The following FHIP1A variants were observed in gnomAD, a reference collection of about 807,000 sequenced individuals.
FHIP1A encodes FHF complex subunit HOOK interacting protein 1A.
FHIP1A carries 61 observed loss-of-function variants against 88.6 expected under a neutral mutation model. That is an observed-to-expected ratio of 0.69 (90% CI 0.56 to 0.85). FHIP1A has a LOEUF of 0.85. FHIP1A is among the 40% of genes least tolerant of loss of function. The pLI is 0.00. For missense variants in FHIP1A, 1,154 were observed against 1,273.5 expected, an observed-to-expected ratio of 0.91 and a Z score of 1.43; for synonymous variants, 478 against 496.0, an observed-to-expected ratio of 0.96 and a Z score of 0.48.
intron 9 of FHIP1A, among the ~76,000 whole-genome samples, chr4:151,645,183 C>G (rs1736743898): frequency 6.6e-6 from 1 of 152,172 alleles, no homozygotes; most frequent in Non-Finnish European, 1.5e-5. Context: ...TTCTTACTGA[C>G]AGCAGGTTCA....
In FHIP1A at chr4:151,522,448, A is replaced by T. The variant is rs561336216; in HGVS notation, c.-123+39800A>T. On this transcript the variant is annotated intron_variant, in intron 3 of 13. Coordinates refer to ENST00000435205, the MANE Select transcript of FHIP1A (RefSeq NM_001109977.3). ...TCTCCTTTCTCACAGAACCAAATGG[A>T]CATCCTCAGTTGTTCTCTGTTCAGG... 1.2e-4 allele frequency among the ~76,000 whole-genome samples: 18 copies of T among 152,348 alleles called. 1 individual carries two copies. In the South Asian group the frequency reaches 2.9e-3, roughly 25 times the overall value.
At chr4:151,473,180 A>G (rs1304536303) in intron 2 of FHIP1A, among the ~76,000 whole-genome samples, 1 of 152,144 alleles carries the variant, frequency 6.6e-6, no homozygotes, top group Admixed American at 6.6e-5. Context: ...GCTTAGCTGG[A>G]TAATGTTCAT....
chr4:151,459,073 T>A (rs1039910842), intron 2 of FHIP1A, among the ~76,000 whole-genome samples: 2 of 152,130 alleles, frequency 1.3e-5, no homozygotes. Flanking sequence ...GCCAATCTGT[T>A]CGTATGACCA....
At chr4:151,561,749 A>T (rs1733181294) in intron 3 of FHIP1A, among the ~76,000 whole-genome samples, 1 of 152,164 alleles carries the variant, frequency 6.6e-6, no homozygotes, top group Admixed American at 6.5e-5. Flanking sequence ...TTGCTCAGGA[A>T]ATAAACAAAA....
chr4:151,554,998 T>C (rs1385648968), intron 3 of FHIP1A, among the ~76,000 whole-genome samples: 4 of 152,186 alleles, frequency 2.6e-5, no homozygotes, highest in Non-Finnish European at 5.9e-5. Flanking sequence ...CTGGAATTAA[T>C]TATTTTTTAA....
chr4:151,413,595 T>C (rs1157189227), intron 1 of FHIP1A, among the ~76,000 whole-genome samples: 2 of 151,826 alleles, frequency 1.3e-5, no homozygotes, highest in African/African-American at 4.8e-5. Flanking sequence ...GCTGGGACTA[T>C]AGGCATGCAC....
intron 3 of FHIP1A, among the ~76,000 whole-genome samples, chr4:151,513,894 C>T (rs977264310): frequency 2.7e-5 from 4 of 150,558 alleles, no homozygotes; most frequent in Non-Finnish European, 4.4e-5. Context: ...GACAGATCAA[C>T]GAGACAGAAA....
intron 7 of FHIP1A, among the ~76,000 whole-genome samples, chr4:151,610,614 C>T (rs1157685185): frequency 6.6e-6 from 1 of 152,144 alleles, no homozygotes; most frequent in African/African-American, 2.4e-5. Context: ...TTTGCTATAC[C>T]CTGAGTGTGA....
chr4:151,512,112 G>A (rs1057492929), intron 3 of FHIP1A, among the ~76,000 whole-genome samples: 6 of 152,260 alleles, frequency 3.9e-5, no homozygotes, highest in African/African-American at 9.6e-5. Context: ...CGATCAGACA[G>A]CAGCATTCGT....
At chr4:151,430,286 A>G (rs148139734) in intron 1 of FHIP1A, among the ~76,000 whole-genome samples, 1 of 152,314 alleles carries the variant, frequency 6.6e-6, no homozygotes, top group African/African-American at 2.4e-5. Context: ...ACTAGAAAGG[A>G]ATGTAACAGG....
At chr4:151,526,007 G>A (rs1731618409) in intron 3 of FHIP1A, among the ~76,000 whole-genome samples, 1 of 151,988 alleles carries the variant, frequency 6.6e-6, no homozygotes. Context: ...AGCACATCTT[G>A]CACCGCCCTT....
chr4:151,586,302 T>G (rs1364108385), intron 5 of FHIP1A, among the ~76,000 whole-genome samples: 1 of 152,190 alleles, frequency 6.6e-6, no homozygotes, highest in East Asian at 1.9e-4. Context: ...CCTGAACTTC[T>G]TGAGGCCAGA....
At chr4:151,523,848 T>A (rs1013624003) in intron 3 of FHIP1A, among the ~76,000 whole-genome samples, 29 of 152,318 alleles carry the variant, frequency 1.9e-4, no homozygotes, top group Admixed American at 3.3e-4. Context: ...CAAAAGTAAA[T>A]GAAAGCTTAA....
At chr4:151,456,332 A>T (rs1443021771) in intron 2 of FHIP1A, among the ~76,000 whole-genome samples, 11 of 152,202 alleles carry the variant, frequency 7.2e-5, no homozygotes, top group Admixed American at 5.9e-4. Flanking sequence ...AATAAATGCA[A>T]AGTAAAAGAC....
intron 5 of FHIP1A, among the ~76,000 whole-genome samples, chr4:151,581,335 A>C (rs1015585994): frequency 9.9e-5 from 15 of 152,140 alleles, no homozygotes; most frequent in African/African-American, 3.6e-4. Context: ...AGTAGGGTGC[A>C]GTTCTATTTG....
intron 3 of FHIP1A, among the ~76,000 whole-genome samples, chr4:151,508,522 T>G (rs1303198145): frequency 6.6e-6 from 1 of 152,176 alleles, no homozygotes; most frequent in Non-Finnish European, 1.5e-5. Flanking sequence ...TGATGAGTGG[T>G]GAGAAAGAAC....
intron 2 of FHIP1A, among the ~76,000 whole-genome samples, chr4:151,467,517 A>T (rs1363510359): frequency 6.6e-6 from 1 of 152,236 alleles, no homozygotes; most frequent in Non-Finnish European, 1.5e-5. Flanking sequence ...GTAAAGATAC[A>T]TGCACACATA....
chr4:151,594,584 T>TC (rs1320400810), intron 7 of FHIP1A, among the ~76,000 whole-genome samples: 1 of 149,482 alleles, frequency 6.7e-6, no homozygotes, highest in East Asian at 1.9e-4. Flanking sequence ...CCCTTTGTCT[T>TC]TTTTTTTTTT....
chr4:151,418,323 T>C (rs910675259), intron 1 of FHIP1A, among the ~76,000 whole-genome samples: 1 of 152,200 alleles, frequency 6.6e-6, no homozygotes, highest in Non-Finnish European at 1.5e-5. Context: ...TGATTAAGTT[T>C]GACCTCTGAA....
Sources: gnomAD v4.1 joint callset for allele counts (sites outside exome capture counted in the v4.1 genomes callset) on GRCh38, gnomAD v4.1.1 for gene constraint, MANE v1.5 for transcripts, NCBI Gene and HGNC (gene_info 2026-07-23, HGNC 2026-07-21) for gene names.